The following KANSL2 variants were observed in gnomAD, a reference collection of about 807,000 sequenced individuals.
KANSL2 encodes KAT8 regulatory NSL complex subunit 2.
Under a neutral mutation model 55.6 loss-of-function variants are expected in KANSL2, and 34 were observed. The ratio of observed to expected loss-of-function variants is 0.61; its 90% CI spans 0.46 to 0.81. KANSL2 has a LOEUF of 0.81. Among genes scored for constraint, KANSL2 ranks in the 40% least tolerant of loss-of-function variants. The probability of loss-of-function intolerance (pLI) is 0.00; values close to 1 mark genes in which losing one functional copy is unlikely to be tolerated. For synonymous variants in KANSL2, 209 were observed against 214.3 expected, an observed-to-expected ratio of 0.98 and a Z score of 0.22; for missense variants, 502 against 609.9, an observed-to-expected ratio of 0.82 and a Z score of 1.86.
At chr12:48,674,993 AAATT>A (rs985130363) in intron 4 of KANSL2, among the ~76,000 whole-genome samples, 8 of 148,532 alleles carry the variant, frequency 5.4e-5, no homozygotes, top group African/African-American at 1.2e-4. Context: ...TAATAAAATA[AAATT>A]AATAAAAAAT....
intron 2 of KANSL2, among the ~76,000 whole-genome samples, chr12:48,680,513 T>C (rs1939901896): frequency 6.6e-6 from 1 of 152,128 alleles, no homozygotes; most frequent in African/African-American, 2.4e-5. Context: ...TTTAAAACTA[T>C]AAGATACGTA....
In KANSL2 at chr12:48,657,275, A is replaced by C. The variant is rs529514524; in HGVS notation, c.1228-2215T>G. ...CCCCATCTCTACTAAAAATACAAAA[A>C]TTAGCCAGGCGTCTTGGCACATACC... On this transcript the variant is annotated intron_variant, in intron 8 of 9. Transcript: ENST00000420613. Among the ~76,000 whole-genome samples, 20 of 152,084 alleles carry C rather than the reference A, an allele frequency of 1.3e-4. No homozygotes were observed. The South Asian group carries it at 4.0e-3, about 30-fold the overall frequency.
chr12:48,675,850 T>C (rs947827863), intron 4 of KANSL2, among the ~76,000 whole-genome samples: 4 of 152,196 alleles, frequency 2.6e-5, no homozygotes, highest in African/African-American at 4.8e-5. Flanking sequence ...CAAGGTTTTA[T>C]TATTAGCATT....
At chr12:48,661,799 T>A (rs1158951407) in intron 7 of KANSL2, among the ~76,000 whole-genome samples, 2 of 152,190 alleles carry the variant, frequency 1.3e-5, no homozygotes, top group Non-Finnish European at 2.9e-5. Flanking sequence ...AAGAAGGATG[T>A]ATAGCAGCAT....
At chr12:48,656,610 T>TA (rs149545016) in intron 8 of KANSL2, 24,237 of 323,390 alleles carry the variant, frequency 0.075, 143 homozygotes, top group African/African-American at 0.098. Flanking sequence ...TTTTGCTCTG[T>TA]AAAAAAAAAA....
rs531209525 is a variant in KANSL2, at chr12:48,662,060, T to C, written c.974-1441A>G. On this transcript the variant is annotated intron_variant, in intron 7 of 9. Coordinates refer to ENST00000420613, the MANE Select transcript of KANSL2 (RefSeq NM_017822.4). ...AAATCTAAGCAATATCTAATGTGCT[T>C]AAGAAGCCCACTCTTAATATTTAAA... 2.0e-4 allele frequency among the ~76,000 whole-genome samples: 30 copies of C among 152,354 alleles called. No homozygotes were observed. In the South Asian group the frequency reaches 6.0e-3, roughly 31 times the overall value.
chr12:48,660,748 A>G (rs1371382751), intron 7 of KANSL2, 129 bp from the exon 8 acceptor site: 6 of 937,380 alleles, frequency 6.4e-6, no homozygotes, highest in Admixed American at 3.0e-5. Context: ...TTTGATACAG[A>G]ATACCAAATG....
At chr12:48,675,517 T>G (rs972852348) in intron 4 of KANSL2, among the ~76,000 whole-genome samples, 1 of 152,218 alleles carries the variant, frequency 6.6e-6, no homozygotes, top group Non-Finnish European at 1.5e-5. Context: ...TAACCTAATA[T>G]AGAGTTTGTT....
At chr12:48,672,377 GTATATATATATACATGTA>G (rs1440434707) in intron 4 of KANSL2, among the ~76,000 whole-genome samples, 1 of 127,458 alleles carries the variant, frequency 7.8e-6, no homozygotes, top group Admixed American at 8.1e-5. Flanking sequence ...GTATATATAC[GTATATATATATACATGTA>G]TATATATATA....
Position 48,654,185 on chromosome 12 carries a change from G to T in KANSL2, c.1348-10C>A, listed in dbSNP as rs775169564. The T allele has an allele frequency of 1.0e-5, 16 of 1,591,302 alleles. No homozygotes were observed. Among genetic ancestry groups the T allele is most frequent in the African/African-American group, 1.4e-5 (1 of 73,652 alleles). Reference sequence around the variant, plus strand: ...CCATCTGCATCTGGCCCTGTTAAAAGAAATAAAGGCACTTCAGTTAGTAAT... The same window carrying T: ...CCATCTGCATCTGGCCCTGTTAAAATAAATAAAGGCACTTCAGTTAGTAAT... On this transcript the variant is annotated splice_polypyrimidine_tract_variant and intron_variant, in intron 9 of 9. Coordinates refer to ENST00000420613, the MANE Select transcript of KANSL2 (RefSeq NM_017822.4).
intron 6 of KANSL2, 57 bp from the exon 7 acceptor site, chr12:48,667,846 G>A (rs928737538): frequency 3.3e-6 from 4 of 1,229,422 alleles, no homozygotes; most frequent in Admixed American, 1.7e-5. Flanking sequence ...AAACAATTAC[G>A]ATGAAAATAG....
intron 4 of KANSL2, among the ~76,000 whole-genome samples, chr12:48,672,376 C>CGT (rs34025451): frequency 6.3e-5 from 8 of 127,906 alleles, no homozygotes; most frequent in South Asian, 2.5e-4. Flanking sequence ...TGTATATATA[C>CGT]GTATATATAT....
intron 4 of KANSL2, among the ~76,000 whole-genome samples, chr12:48,677,388 G>A (rs535470845): frequency 2.0e-4 from 31 of 152,234 alleles, no homozygotes; most frequent in African/African-American, 7.2e-4. Flanking sequence ...TCGACCTTAA[G>A]CTGAGTGTTT....
chr12:48,661,787 GGAA>G (rs1939492062), intron 7 of KANSL2, among the ~76,000 whole-genome samples: 1 of 152,150 alleles, frequency 6.6e-6, no homozygotes, highest in Non-Finnish European at 1.5e-5. Flanking sequence ...CATCTTTGTT[GGAA>G]GAAGGATGTA....
chr12:48,668,382 T>C (rs558871261), intron 6 of KANSL2, among the ~76,000 whole-genome samples: 15 of 152,362 alleles, frequency 9.8e-5, no homozygotes, highest in Middle Eastern at 3.4e-3. Context: ...GACACAGAGC[T>C]GGTCAGTGGG....
At chr12:48,670,182 G>C (rs530710577) in intron 5 of KANSL2, among the ~76,000 whole-genome samples, 3 of 143,682 alleles carry the variant, frequency 2.1e-5, no homozygotes, top group Non-Finnish European at 3.0e-5. Flanking sequence ...CCTGGCGACA[G>C]AGTGAGACTA....
chr12:48,674,138 C>T (rs1048368302), intron 4 of KANSL2, among the ~76,000 whole-genome samples: 1 of 151,894 alleles, frequency 6.6e-6, no homozygotes, highest in Non-Finnish European at 1.5e-5. Context: ...AAAAATTATG[C>T]TTTATTACTT....
rs772221032 is a variant in KANSL2 at position 48,681,602 on chromosome 12, T to C, written c.31A>G (p.Thr11Ala). The part of the protein sequence containing the change: MNRIRIHVLP[T>A]NRGRITPVPR... ...ACTGGAGTGATCCTCCCCCGATTGG[T>C]TGGCAAGACGTGAATCCGAATCCTG... is the stretch of plus-strand genomic sequence containing the variant. Residue 11 changes from threonine (T) to alanine (A), a missense_variant, in exon 2 of 10, where the codon ACC (threonine) becomes GCC (alanine). Thr to Ala is a moderately conservative substitution (Grantham distance 58). Coordinates refer to ENST00000420613, the MANE Select transcript of KANSL2 (RefSeq NM_017822.4). The C allele has an allele frequency of 1.2e-5, 20 of 1,613,814 alleles. No individual in the cohort carries two copies. In the East Asian group the frequency reaches 1.6e-4, roughly 13 times the overall value.
At position 48,667,729 on chromosome 12, in the gene KANSL2, TG is replaced by T; in HGVS notation, c.936del (p.Asn313IlefsTer6). The T allele has an allele frequency of 6.2e-7, 1 of 1,613,948 alleles. No individual in the cohort carries two copies. The highest frequency in any genetic ancestry group is 8.5e-7 in the Non-Finnish European group (1 of 1,179,844). ...TGTCTGGTCATTGGAAGAGACTGAT[TG>T]GAACAACGAACATCATCCACAAAGG... ...CLAFVDDVRC[S>X]NQSLPMTRHC... On this transcript the variant is annotated frameshift_variant, in exon 7 of 10. Coordinates refer to ENST00000420613, the MANE Select transcript of KANSL2 (RefSeq NM_017822.4). LOFTEE classifies it high-confidence loss of function.
Sources: allele counts gnomAD v4.1 joint callset (sites outside exome capture counted in the v4.1 genomes callset), GRCh38; gene constraint gnomAD v4.1.1; transcripts MANE v1.5; gene names NCBI Gene and HGNC (gene_info 2026-07-23, HGNC 2026-07-21).